LRRC28: variants seen among roughly 807,000 people sequenced by gnomAD.
LRRC28 encodes leucine-rich repeat-containing protein 28.
Under a neutral mutation model 45.7 loss-of-function variants are expected in LRRC28, and 39 were observed. The ratio of observed to expected loss-of-function variants is 0.85; its 90% CI spans 0.66 to 1.12. The LOEUF is 1.12. Among genes scored for constraint, LRRC28 ranks in the 50% most tolerant of loss-of-function variants. LRRC28 has a pLI of 0.00. For synonymous variants in LRRC28, 206 were observed against 178.8 expected, an observed-to-expected ratio of 1.15 and a Z score of -1.22; for missense variants, 435 against 438.5, an observed-to-expected ratio of 0.99 and a Z score of 0.07.
At chr15:99,289,466 C>A (rs1354809688) in intron 5 of LRRC28, among the ~76,000 whole-genome samples, 5 of 152,116 alleles carry the variant, frequency 3.3e-5, no homozygotes, top group Non-Finnish European at 7.4e-5. Context: ...TGTCATAGAA[C>A]TTCAGGGTTG....
intron 2 of LRRC28, chr15:99,257,603 G>A (rs2152122509): frequency 1.5e-6 from 1 of 650,382 alleles, no homozygotes; most frequent in Non-Finnish European, 2.9e-6. Context: ...CGATCGAAAG[G>A]GACTTGAGAC....
At chr15:99,322,606 AAAAT>A (rs755785821) in intron 5 of LRRC28, among the ~76,000 whole-genome samples, 4 of 152,214 alleles carry the variant, frequency 2.6e-5, no homozygotes, top group Admixed American at 1.3e-4. Context: ...TGCTTTTTAA[AAAAT>A]AAAATAAGTG....
At chr15:99,286,664 T>G (rs1245274965) in intron 3 of LRRC28, 3 of 152,540 alleles carry the variant, frequency 2.0e-5, no homozygotes, top group Admixed American at 2.0e-4. Context: ...TCTAGACTTC[T>G]CAGCCTCTGT....
Position 99,310,525 on chromosome 15 carries a change from G to C in LRRC28, c.385+22574G>C, listed in dbSNP as rs544877077. On this transcript the variant is annotated intron_variant, in intron 5 of 9. Coordinates refer to ENST00000301981, the MANE Select transcript of LRRC28 (RefSeq NM_144598.5). ...AGCAGACATTATGTTCTACTACCCA[G>C]TGTGATGAAATTGGAAGGGTGTAAC... is the stretch of plus-strand genomic sequence containing the variant. Among the ~76,000 whole-genome samples, 3 of 152,184 alleles carry C rather than the reference G, an allele frequency of 2.0e-5. No homozygotes were observed. In the East Asian group the frequency reaches 5.8e-4, roughly 29 times the overall value.
intron 1 of LRRC28, among the ~76,000 whole-genome samples, chr15:99,254,203 C>T (rs2080948461): frequency 6.6e-6 from 1 of 152,154 alleles, no homozygotes; most frequent in Non-Finnish European, 1.5e-5. Context: ...AATTATCTTG[C>T]ACAAAGTCAC....
chr15:99,286,644 C>T (rs913275976), intron 3 of LRRC28: 3 of 152,254 alleles, frequency 2.0e-5, no homozygotes, highest in African/African-American at 7.2e-5. Flanking sequence ...AAAATTGTTA[C>T]TTAGGCTTGT....
intron 9 of LRRC28, among the ~76,000 whole-genome samples, chr15:99,380,855 G>C (rs538439947): frequency 6.6e-6 from 1 of 152,186 alleles, no homozygotes; most frequent in African/African-American, 2.4e-5. Context: ...AATGTTGACT[G>C]TTGGTCCCCA....
chr15:99,321,526 CTTAAA>C (rs755542011), intron 5 of LRRC28, among the ~76,000 whole-genome samples: 19 of 152,142 alleles, frequency 1.2e-4, no homozygotes, highest in African/African-American at 2.2e-4. Flanking sequence ...TTAAGGAAAA[CTTAAA>C]TTATGTTAAA....
At chr15:99,370,364 GTGTA>G (rs1201660263) in intron 9 of LRRC28, among the ~76,000 whole-genome samples, 5 of 152,256 alleles carry the variant, frequency 3.3e-5, no homozygotes, top group Admixed American at 3.3e-4. Flanking sequence ...CGAAATATAT[GTGTA>G]TGTGTACGTA....
chr15:99,362,533 G>T (rs987828363), intron 8 of LRRC28, among the ~76,000 whole-genome samples: 1 of 152,180 alleles, frequency 6.6e-6, no homozygotes, highest in African/African-American at 2.4e-5. Flanking sequence ...GTTTTGTGTA[G>T]CTCAGACTAA....
At chr15:99,282,177 G>GGTTTTTTTTTTTTTTTTTTTTT (rs2081814616) in intron 3 of LRRC28, among the ~76,000 whole-genome samples, 1 of 98,058 alleles carries the variant, frequency 1.0e-5, no homozygotes, top group South Asian at 3.1e-4. Flanking sequence ...ATTTTTGGAG[G>GGTTTTTTTTTTTTTTTTTTTTT]TTTTTTTTTT....
chr15:99,320,286 T>C (rs1336606041), intron 5 of LRRC28, among the ~76,000 whole-genome samples: 1 of 152,234 alleles, frequency 6.6e-6, no homozygotes, highest in Admixed American at 6.5e-5. Context: ...GTATTGTTCC[T>C]AACTTTAAGT....
At chr15:99,353,465 G>C (rs1028163837) in intron 7 of LRRC28, among the ~76,000 whole-genome samples, 1 of 152,178 alleles carries the variant, frequency 6.6e-6, no homozygotes, top group Non-Finnish European at 1.5e-5. Flanking sequence ...CCCAAGATGA[G>C]TTCAGTGCCT....
At chr15:99,259,222 CA>C in intron 2 of LRRC28, 1 of 1,062,000 alleles carries the variant, frequency 9.4e-7, no homozygotes, top group Admixed American at 1.7e-5. Flanking sequence ...AAAAACAAGA[CA>C]AAATCTGCCT....
At chr15:99,309,258 T>G (rs1360232802) in intron 5 of LRRC28, among the ~76,000 whole-genome samples, 1 of 152,192 alleles carries the variant, frequency 6.6e-6, no homozygotes, top group Non-Finnish European at 1.5e-5. Context: ...TAAGAAAATT[T>G]GTGGAACCAA....
chr15:99,259,128 G>A, intron 2 of LRRC28: 1 of 1,322,086 alleles, frequency 7.6e-7, no homozygotes, highest in Non-Finnish European at 1.1e-6. Context: ...AATCGAACAT[G>A]TCTTGCTAAA....
intron 5 of LRRC28, among the ~76,000 whole-genome samples, chr15:99,303,694 C>T (rs999252756): frequency 5.9e-5 from 9 of 151,988 alleles, no homozygotes; most frequent in Non-Finnish European, 1.2e-4. Context: ...ATTAGCTGGG[C>T]GTGGTGGTGC....
At chr15:99,273,300 G>A (rs1477683814) in intron 2 of LRRC28, among the ~76,000 whole-genome samples, 1 of 151,530 alleles carries the variant, frequency 6.6e-6, no homozygotes, top group Non-Finnish European at 1.5e-5. Context: ...GCAGTGGCGC[G>A]ATCTTGGCTC....
At chr15:99,260,386 CT>C (rs1232266983) in intron 2 of LRRC28, among the ~76,000 whole-genome samples, 1 of 152,106 alleles carries the variant, frequency 6.6e-6, no homozygotes, top group Non-Finnish European at 1.5e-5. Flanking sequence ...TTTATAATAG[CT>C]TATGGTAATA....
Sources: allele counts gnomAD v4.1 joint callset (sites outside exome capture counted in the v4.1 genomes callset), GRCh38; gene constraint gnomAD v4.1.1; transcripts MANE v1.5; gene names NCBI Gene and HGNC (gene_info 2026-07-23, HGNC 2026-07-21).